IFT88: variants seen among roughly 807,000 people sequenced by gnomAD.
The protein encoded by IFT88 is intraflagellar transport 88.
IFT88 carries 74 observed loss-of-function variants against 119.5 expected under a neutral mutation model. The ratio of observed to expected loss-of-function variants is 0.62; its 90% CI spans 0.51 to 0.75. IFT88 has a LOEUF of 0.75. Among genes scored for constraint, IFT88 ranks in the 30% least tolerant of loss-of-function variants. IFT88 has a pLI of 0.00. For synonymous variants in IFT88, 279 were observed against 316.7 expected, an observed-to-expected ratio of 0.88 and a Z score of 1.26; for missense variants, 961 against 977.7, an observed-to-expected ratio of 0.98 and a Z score of 0.23.
chr13:20,686,338 A>T (rs1003127878), intron 24 of IFT88, among the ~76,000 whole-genome samples: 4 of 152,254 alleles, frequency 2.6e-5, no homozygotes, highest in South Asian at 2.1e-4. Flanking sequence ...AAAGGCAAGT[A>T]CTTTTATTGG....
intron 13 of IFT88, among the ~76,000 whole-genome samples, chr13:20,612,539 T>C (rs2044747276): frequency 1.3e-5 from 2 of 152,350 alleles, no homozygotes; most frequent in South Asian, 2.1e-4. Context: ...AGGCACTTAA[T>C]GTTATTAAAA....
At chr13:20,674,722 A>ATTTTT (rs1296479140) in intron 24 of IFT88, among the ~76,000 whole-genome samples, 15 of 42,690 alleles carry the variant, frequency 3.5e-4, no homozygotes, top group Admixed American at 8.9e-4. Flanking sequence ...ATATATATAT[A>ATTTTT]TATTTTTTTT....
rs1396243224 is a variant in IFT88 at position 20,599,520 on chromosome 13, A to G, written c.767A>G (p.Tyr256Cys). ...AATTATTCCAAAGCCATTAAATTCT[A>G]CCGAATGGCATTAGACCAAGTTCCA... ...QRNYSKAIKF[Y>C]RMALDQVPSV... The change falls in exon 11 of 26, where the codon TAC becomes TGC. Residue 256 changes from tyrosine (Y) to cysteine (C), a missense_variant. Transcript: ENST00000351808. 2.6e-6 allele frequency: 4 copies of G among 1,558,588 alleles called. No homozygotes were observed. The highest frequency in any genetic ancestry group is 1.4e-5 in the African/African-American group (1 of 73,476).
chr13:20,631,198 T>G, intron 16 of IFT88, 96 bp downstream of exon 16: 1 of 811,392 alleles, frequency 1.2e-6, no homozygotes, highest in Admixed American at 1.8e-5. Flanking sequence ...CCAAAGAATA[T>G]TGGTGGAGAA....
intron 23 of IFT88, among the ~76,000 whole-genome samples, chr13:20,666,276 T>G (rs2054663543): frequency 6.6e-6 from 1 of 152,240 alleles, no homozygotes; most frequent in East Asian, 1.9e-4. Context: ...GTGAAATTAT[T>G]TTTTGCCAGT....
At chr13:20,679,017 G>C (rs1417130969) in intron 24 of IFT88, among the ~76,000 whole-genome samples, 1 of 152,204 alleles carries the variant, frequency 6.6e-6, no homozygotes, top group Non-Finnish European at 1.5e-5. Flanking sequence ...AGATGTGCCT[G>C]AGAGGCTTGA....
chr13:20,577,216 A>C (rs1267977685), intron 2 of IFT88, among the ~76,000 whole-genome samples: 1 of 152,210 alleles, frequency 6.6e-6, no homozygotes, highest in Non-Finnish European at 1.5e-5. Context: ...TTGATTTTGT[A>C]TCCTGCAACC....
intron 13 of IFT88, among the ~76,000 whole-genome samples, chr13:20,610,819 T>C (rs552962642): frequency 6.4e-4 from 97 of 152,276 alleles, no homozygotes; most frequent in Non-Finnish European, 1.1e-3. Context: ...AATGTGAAAC[T>C]GGTTTAACAT....
Position 20,691,280 on chromosome 13 carries a change from C to T in IFT88, c.*105C>T. 1 of 1,080,010 alleles carries T rather than the reference C, an allele frequency of 9.3e-7. No homozygotes were observed. The highest frequency in any genetic ancestry group is 1.3e-6 in the Non-Finnish European group (1 of 768,622). 66.9% of individuals were successfully genotyped at this position (1,080,010 alleles called of 1,614,324 possible). A position where few individuals can be genotyped will look rare whatever the true frequency, so the allele number is the denominator to read the frequency against. On this transcript the variant is annotated 3_prime_UTR_variant, in exon 26 of 26. Transcript: ENST00000351808. ...ACCTGTAATTATTTTTTTTCACTGTCAAAACTTAAGTAAGTGTATTCTATT... is the reference window on the plus strand; with the variant it reads ...ACCTGTAATTATTTTTTTTCACTGTTAAAACTTAAGTAAGTGTATTCTATT...
At position 20,663,279 on chromosome 13, in the gene IFT88, G is replaced by A. The variant is rs185596886; in HGVS notation, c.2069-219G>A. 1.0e-5 allele frequency: 15 copies of A among 1,475,858 alleles called. No individual in the cohort carries two copies. The Admixed American group carries it at 2.8e-4, about 28-fold the overall frequency. The allele number at this position is 1,475,858 out of a possible 1,614,324, so 91.4% of individuals were successfully genotyped here. A position where few individuals can be genotyped will look rare whatever the true frequency, so the allele number is the denominator to read the frequency against. On this transcript the variant is annotated intron_variant, in intron 22 of 25. Transcript: ENST00000351808. ...TCCTTCTAGGTTCTGGCAGCGTGAG[G>A]ACAGGACACATGGAGAGAGACCCTT...
chr13:20,613,467 C>T (rs909765165), intron 13 of IFT88, among the ~76,000 whole-genome samples: 2 of 151,928 alleles, frequency 1.3e-5, no homozygotes, highest in Non-Finnish European at 1.5e-5. Context: ...AATTGGAACT[C>T]TTAAATGCTG....
chr13:20,633,483 ACCTCCAGCAC>A (rs367973243), intron 16 of IFT88, among the ~76,000 whole-genome samples: 3 of 151,942 alleles, frequency 2.0e-5, no homozygotes, highest in Admixed American at 6.6e-5. Context: ...GGCCAGTAGC[ACCTCCAGCAC>A]CTCTGACGGG....
intron 13 of IFT88, chr13:20,608,142 A>C: frequency 2.3e-6 from 1 of 438,532 alleles, no homozygotes; most frequent in Non-Finnish European, 4.5e-6. Context: ...AGTTTGAACC[A>C]CTATGACTTG....
intron 9 of IFT88, 43 bp downstream of exon 9, chr13:20,597,162 C>G (rs2041786754): frequency 8.6e-7 from 1 of 1,165,920 alleles, no homozygotes. Context: ...AAAATTTTGA[C>G]TAGGGTTAAT....
rs141483461 is a variant in IFT88, at chr13:20,628,504, T to A, written c.1300-2512T>A. 1.9e-3 allele frequency among the ~76,000 whole-genome samples: 296 copies of A among 152,342 alleles called. 1 individual carries two copies. Among genetic ancestry groups the A allele is most frequent in the Non-Finnish European group, 2.0e-3 (139 of 68,014 alleles). The stretch of plus-strand genomic sequence containing the variant: ...TTGCCATTTAGAATGAAATTTAATT[T>A]TGACTGAACTTTTATCAGTTCCATT... On this transcript the variant is annotated intron_variant, in intron 15 of 25. Transcript: ENST00000351808.
intron 14 of IFT88, among the ~76,000 whole-genome samples, chr13:20,623,002 ATAGTGT>A (rs958573205): frequency 3.7e-4 from 57 of 152,298 alleles, no homozygotes; most frequent in African/African-American, 1.3e-3. Context: ...ATTTTTGTAC[ATAGTGT>A]TAGGTAAGGG....
intron 16 of IFT88, 55 bp from the exon 17 acceptor site, chr13:20,638,277 A>G: frequency 1.1e-6 from 1 of 930,074 alleles, no homozygotes; most frequent in Admixed American, 3.1e-5. Context: ...ATCTCAGAAC[A>G]GTCAGAAAAG....
chr13:20,670,546 T>TTA (rs398021805), intron 23 of IFT88, among the ~76,000 whole-genome samples: 9 of 135,130 alleles, frequency 6.7e-5, no homozygotes, highest in South Asian at 2.2e-4. Flanking sequence ...TTTTTTTTTT[T>TTA]ACCCTCAAAT....
intron 22 of IFT88, among the ~76,000 whole-genome samples, chr13:20,658,034 C>T (rs570779457): frequency 1.7e-4 from 26 of 152,034 alleles, no homozygotes; most frequent in African/African-American, 5.1e-4. Context: ...GACTCATTAA[C>T]TTAACAGCAG....
Sources: allele counts gnomAD v4.1 joint callset (sites outside exome capture counted in the v4.1 genomes callset), GRCh38; gene constraint gnomAD v4.1.1; transcripts MANE v1.5; gene names NCBI Gene and HGNC (gene_info 2026-07-23, HGNC 2026-07-21).